RBFOX1: variants seen among roughly 807,000 people sequenced by gnomAD.
RBFOX1 encodes RNA binding protein fox-1 homolog 1.
RBFOX1 carries 8 observed loss-of-function variants against 57.7 expected under a neutral mutation model. The observed-to-expected ratio is 0.14, with a 90% CI of 0.08 to 0.25. RBFOX1 has a LOEUF of 0.25. RBFOX1 is among the 10% of genes least tolerant of loss of function. The pLI is 1.00. For synonymous variants in RBFOX1, 326 were observed against 222.4 expected, an observed-to-expected ratio of 1.47 and a Z score of -4.15; for missense variants, 611 against 548.5, an observed-to-expected ratio of 1.11 and a Z score of -1.14.
chr16:5,820,425 C>T (rs568065552), intron 3 of RBFOX1, among the ~76,000 whole-genome samples: 9 of 152,270 alleles, frequency 5.9e-5, no homozygotes, highest in South Asian at 2.1e-4. Context: ...CCGGTGACCC[C>T]GGCCACGTGG....
chr16:7,479,091 G>C (rs981299141), intron 4 of RBFOX1, among the ~76,000 whole-genome samples: 2 of 150,340 alleles, frequency 1.3e-5, no homozygotes, highest in Admixed American at 1.3e-4. Context: ...GGTTGTGGTG[G>C]GAAGTGGATC....
At chr16:6,546,684 T>C (rs1423315267) in intron 2 of RBFOX1, among the ~76,000 whole-genome samples, 1 of 152,204 alleles carries the variant, frequency 6.6e-6, no homozygotes, top group Non-Finnish European at 1.5e-5. Flanking sequence ...TTTCTGTAGA[T>C]TCTTTTTGCA....
chr16:6,773,184 G>GTA (rs1567183637), intron 3 of RBFOX1, among the ~76,000 whole-genome samples: 1 of 94,800 alleles, frequency 1.1e-5, no homozygotes, highest in African/African-American at 4.6e-5. Flanking sequence ...GTGTGTGTGT[G>GTA]TGGGCATGGG....
chr16:7,186,553 TATAA>T (rs1567619192), intron 4 of RBFOX1, among the ~76,000 whole-genome samples: 1 of 62,862 alleles, frequency 1.6e-5, no homozygotes, highest in African/African-American at 5.1e-5. Flanking sequence ...TTTATATAAA[TATAA>T]GCTTAAACAT....
intron 4 of RBFOX1, among the ~76,000 whole-genome samples, chr16:7,176,962 C>T (rs1337202791): frequency 1.3e-5 from 2 of 152,122 alleles, no homozygotes; most frequent in East Asian, 1.9e-4. Context: ...TTTAGTAATT[C>T]ATTTACAAGG....
At chr16:6,435,578 A>G (rs1226469701) in intron 2 of RBFOX1, among the ~76,000 whole-genome samples, 4 of 152,166 alleles carry the variant, frequency 2.6e-5, no homozygotes, top group African/African-American at 9.7e-5. Flanking sequence ...TTCTGGGATT[A>G]CAGGTGTGAG....
chr16:5,866,059 C>T (rs544021730), intron 3 of RBFOX1, among the ~76,000 whole-genome samples: 23 of 152,228 alleles, frequency 1.5e-4, no homozygotes, highest in Non-Finnish European at 2.8e-4. Flanking sequence ...CCTCTGCCTC[C>T]GCGGTTCAAG....
intron 3 of RBFOX1, among the ~76,000 whole-genome samples, chr16:5,793,458 C>T (rs1047960966): frequency 2.0e-5 from 3 of 152,266 alleles, no homozygotes; most frequent in Admixed American, 6.5e-5. Context: ...GGACCGGCTT[C>T]ATGCCGCTAA....
intron 4 of RBFOX1, among the ~76,000 whole-genome samples, chr16:7,517,436 A>T (rs1412176787): frequency 1.3e-5 from 2 of 152,168 alleles, no homozygotes; most frequent in Middle Eastern, 6.8e-3. Context: ...TATTTTTCAG[A>T]AATGCTTAAA....
Position 7,091,986 on chromosome 16 carries a change from C to G in RBFOX1, c.27+39888C>G, listed in dbSNP as rs191204513. ...TGACATTCTCTTTTCCCCTTTATTT[C>G]AAACAATACACGTGCCCTTTGTAGT... On this transcript the variant is annotated intron_variant, in intron 4 of 15. Transcript: ENST00000550418. 3.3e-5 allele frequency among the ~76,000 whole-genome samples: 5 copies of G among 152,266 alleles called. No homozygotes were observed. In the East Asian group the frequency reaches 7.7e-4, roughly 24 times the overall value.
intron 3 of RBFOX1, among the ~76,000 whole-genome samples, chr16:6,749,601 C>A (rs1228103674): frequency 6.6e-6 from 1 of 152,248 alleles, no homozygotes; most frequent in East Asian, 1.9e-4. Context: ...ATTCATTGCA[C>A]CGTTTATTGA....
At chr16:6,864,995 C>CTTTTTTTTT (rs34341448) in intron 3 of RBFOX1, among the ~76,000 whole-genome samples, 41 of 82,530 alleles carry the variant, frequency 5.0e-4, no homozygotes, top group African/African-American at 1.9e-3. Context: ...TTTTCTTTTT[C>CTTTTTTTTT]TTTTTTTTTT....
chr16:5,399,745 AATT>A lies in RBFOX1; in HGVS notation c.220-67470_220-67468del, dbSNP rs1405583275. 6.6e-5 allele frequency among the ~76,000 whole-genome samples: 9 copies of A among 136,650 alleles called. No homozygotes were observed. The East Asian group carries it at 1.7e-3, about 26-fold the overall frequency. 89.6% of individuals were successfully genotyped at this position (136,650 alleles called of 152,430 possible). A position where few individuals can be genotyped will look rare whatever the true frequency, so the allele number is the denominator to read the frequency against. Reference sequence around the variant, plus strand: ...TGAGACCCTGTCTTAAAAAAAAAAAAATTTTTTTTTTTGGCTCATTTGCAGTTC... The same window carrying A: ...TGAGACCCTGTCTTAAAAAAAAAAAATTTTTTTTTGGCTCATTTGCAGTTC... On this transcript the variant is annotated intron_variant, in intron 1 of 2. Transcript: ENST00000585867.
chr16:7,013,083 T>A (rs2093728372), intron 3 of RBFOX1, among the ~76,000 whole-genome samples: 3 of 152,186 alleles, frequency 2.0e-5, no homozygotes, highest in Admixed American at 6.5e-5. Flanking sequence ...CTTACTTTTA[T>A]GATGTTATCT....
intron 2 of RBFOX1, among the ~76,000 whole-genome samples, chr16:6,362,345 T>A (rs2088718545): frequency 6.6e-6 from 1 of 152,134 alleles, no homozygotes; most frequent in Non-Finnish European, 1.5e-5. Context: ...GCAAACATCT[T>A]ACAAATTTGA....
At chr16:7,630,793 GCT>G in intron 11 of RBFOX1, 110 bp downstream of exon 11, 2 of 1,515,014 alleles carry the variant, frequency 1.3e-6, no homozygotes, top group Non-Finnish European at 8.8e-7. Context: ...CTCTCTTGTG[GCT>G]CTCTCTGAGG....
intron 3 of RBFOX1, among the ~76,000 whole-genome samples, chr16:6,899,219 ATGTG>A (rs1567782482): frequency 1.5e-5 from 2 of 130,858 alleles, no homozygotes; most frequent in African/African-American, 9.1e-5. Flanking sequence ...ATGTGTGTGT[ATGTG>A]TGGATGCGTG....
chr16:6,770,901 G>C (rs1220607112), intron 3 of RBFOX1, among the ~76,000 whole-genome samples: 2 of 152,160 alleles, frequency 1.3e-5, no homozygotes, highest in African/African-American at 4.8e-5. Context: ...ACAAAATGAT[G>C]TGCTTGGGTC....
At chr16:7,549,078 T>G (rs1480783315) in intron 5 of RBFOX1, among the ~76,000 whole-genome samples, 2 of 152,182 alleles carry the variant, frequency 1.3e-5, no homozygotes, top group African/African-American at 2.4e-5. Flanking sequence ...AGAGGCGACA[T>G]TTAAGCCGAT....
Sources: allele counts gnomAD v4.1 joint callset (sites outside exome capture counted in the v4.1 genomes callset), GRCh38; gene constraint gnomAD v4.1.1; transcripts MANE v1.5; gene names NCBI Gene and HGNC (gene_info 2026-07-23, HGNC 2026-07-21).